LRP1B: variants seen among roughly 807,000 people sequenced by gnomAD.
The protein encoded by LRP1B is LDL receptor related protein 1B.
A neutral mutation model predicts 556.6 loss-of-function variants in LRP1B; 217 were observed. The ratio of observed to expected loss-of-function variants is 0.39; its 90% CI spans 0.35 to 0.44. The LOEUF (loss-of-function observed/expected upper bound fraction) is 0.44, where lower values mean the gene tolerates loss of function less well. Among genes scored for constraint, LRP1B ranks in the 20% least tolerant of loss-of-function variants. The probability of loss-of-function intolerance (pLI) is 1.00; values close to 1 mark genes in which losing one functional copy is unlikely to be tolerated. For synonymous variants in LRP1B, 2,047 were observed against 1,865.8 expected, an observed-to-expected ratio of 1.10 and a Z score of -2.50; for missense variants, 5,053 against 5,620.8, an observed-to-expected ratio of 0.90 and a Z score of 3.23.
At chr2:141,531,026 T>C (rs944241006) in intron 2 of LRP1B, among the ~76,000 whole-genome samples, 12 of 151,312 alleles carry the variant, frequency 7.9e-5, no homozygotes, top group Admixed American at 6.6e-4. Context: ...CATAATAAGA[T>C]TTATATTTTT....
intron 1 of LRP1B, among the ~76,000 whole-genome samples, chr2:141,856,544 C>G (rs183423844): frequency 2.6e-5 from 4 of 152,280 alleles, no homozygotes; most frequent in Admixed American, 2.0e-4. Flanking sequence ...AACACAAATT[C>G]TTTAGCCATT....
In LRP1B at chr2:140,274,505, G is replaced by C. The variant is rs372647222; in HGVS notation, c.13061C>G (p.Pro4354Arg). Residue 4354 changes from proline (P) to arginine (R), a missense_variant, in exon 85 of 91, where the codon CCA becomes CGA. Physicochemically the swap from Pro to Arg is moderately radical, Grantham distance 103. Coordinates refer to ENST00000389484, the MANE Select transcript of LRP1B (RefSeq NM_018557.3). ...TACACACTTGTCAACCTCACATTTT[G>C]GTCCTTCATAGCGCGTTGGACAGAC... ...ECVCPTRYEG[P>R]KCEVDKCVRC... is the part of the protein sequence containing the mutation. 4.8e-5 allele frequency: 77 copies of C among 1,612,390 alleles called. No individual in the cohort carries two copies. The highest frequency in any genetic ancestry group is 6.0e-5 in the Non-Finnish European group (71 of 1,178,996).
At chr2:141,602,242 A>G (rs1177220891) in intron 2 of LRP1B, among the ~76,000 whole-genome samples, 1 of 152,186 alleles carries the variant, frequency 6.6e-6, no homozygotes, top group Non-Finnish European at 1.5e-5. Context: ...AACATTTTGT[A>G]GGGTAAATCT....
intron 3 of LRP1B, among the ~76,000 whole-genome samples, chr2:141,435,165 A>G (rs1355024198): frequency 5.9e-5 from 9 of 152,056 alleles, no homozygotes; most frequent in Admixed American, 5.2e-4. Context: ...AGGAGAGTCA[A>G]CCCTGGGTCA....
At chr2:140,865,122 A>G (rs971247327) in intron 27 of LRP1B, among the ~76,000 whole-genome samples, 1 of 152,018 alleles carries the variant, frequency 6.6e-6, no homozygotes, top group Non-Finnish European at 1.5e-5. Flanking sequence ...ATCCCATATA[A>G]CAACAACATT....
chr2:141,162,973 A>G (rs1431807563), intron 7 of LRP1B, among the ~76,000 whole-genome samples: 2 of 152,088 alleles, frequency 1.3e-5, no homozygotes, highest in East Asian at 3.9e-4. Flanking sequence ...TTAATCTATC[A>G]AGGCACTTCT....
chr2:142,066,911 G>A (rs932118636), intron 1 of LRP1B, among the ~76,000 whole-genome samples: 16 of 151,376 alleles, frequency 1.1e-4, no homozygotes, highest in African/African-American at 3.9e-4. Flanking sequence ...TGGTACCATG[G>A]GTTTCACTTA....
rs78813543 is a variant in LRP1B at position 140,749,827 on chromosome 2, A to G, written c.5758+19386T>C. On this transcript the variant is annotated intron_variant, in intron 35 of 90. Coordinates refer to ENST00000389484, the MANE Select transcript of LRP1B (RefSeq NM_018557.3). ...TAACCCATCATTTGTTACTATTGTC[A>G]AGTATTATATACTGTACATAATTTT... Among the ~76,000 whole-genome samples the G allele has an allele frequency of 4.7e-3, 723 of 152,314 alleles. 6 individuals are homozygous for G. The highest frequency in any genetic ancestry group is 0.01 in the Middle Eastern group (3 of 294).
chr2:140,758,543 T>C (rs1688813762), intron 35 of LRP1B, among the ~76,000 whole-genome samples: 1 of 152,186 alleles, frequency 6.6e-6, no homozygotes, highest in East Asian at 1.9e-4. Flanking sequence ...AAAACTGGTA[T>C]TATTCTACCA....
chr2:141,798,799 T>C (rs1012951946), intron 2 of LRP1B, among the ~76,000 whole-genome samples: 2 of 151,946 alleles, frequency 1.3e-5, no homozygotes, highest in African/African-American at 4.8e-5. Flanking sequence ...AATTCATATG[T>C]GGAAGTCCTA....
intron 41 of LRP1B, among the ~76,000 whole-genome samples, chr2:140,653,071 T>A (rs35099867): frequency 0.073 from 11,145 of 151,976 alleles, 512 homozygotes; most frequent in East Asian, 0.18. Context: ...TTAATAAGCA[T>A]CATCAAGACA....
chr2:141,174,741 A>C (rs1714258), intron 7 of LRP1B, among the ~76,000 whole-genome samples: 7 of 152,084 alleles, frequency 4.6e-5, no homozygotes, highest in African/African-American at 1.7e-4. Context: ...ACAAAGATAT[A>C]TGAAAATGTG....
intron 1 of LRP1B, among the ~76,000 whole-genome samples, chr2:142,129,971 C>T (rs2105026737): frequency 6.6e-6 from 1 of 152,254 alleles, no homozygotes. Flanking sequence ...AAAAGCAAAG[C>T]GCCAGACTGG....
At chr2:140,349,300 A>G (rs556851453) in intron 77 of LRP1B, among the ~76,000 whole-genome samples, 2 of 152,254 alleles carry the variant, frequency 1.3e-5, no homozygotes, top group African/African-American at 4.8e-5. Flanking sequence ...TATGTTTATC[A>G]ATTGTAAAAT....
At chr2:140,575,090 G>T (rs925395239) in intron 43 of LRP1B, among the ~76,000 whole-genome samples, 2 of 152,094 alleles carry the variant, frequency 1.3e-5, no homozygotes, top group Non-Finnish European at 2.9e-5. Context: ...TCGCCCTGGG[G>T]ATGCTTTATA....
intron 43 of LRP1B, among the ~76,000 whole-genome samples, chr2:140,585,039 T>C (rs1681929764): frequency 6.6e-6 from 1 of 152,098 alleles, no homozygotes; most frequent in Admixed American, 6.5e-5. Flanking sequence ...GATACAAAGA[T>C]GAAAAACAAA....
At chr2:141,056,187 A>T (rs1525578) in intron 9 of LRP1B, among the ~76,000 whole-genome samples, 144,165 of 151,744 alleles carry the variant, frequency 0.95, 68,936 homozygotes, top group East Asian at 1. Flanking sequence ...ATTTTTACTA[A>T]TTTTTTCCTG....
intron 2 of LRP1B, among the ~76,000 whole-genome samples, chr2:141,681,924 A>C: frequency 6.6e-6 from 1 of 152,198 alleles, no homozygotes; most frequent in Non-Finnish European, 1.5e-5. Context: ...CACAAAGAGA[A>C]ATATCCTCAA....
intron 27 of LRP1B, among the ~76,000 whole-genome samples, chr2:140,861,928 A>G (rs1179565047): frequency 6.6e-6 from 1 of 152,098 alleles, no homozygotes; most frequent in Non-Finnish European, 1.5e-5. Flanking sequence ...TTGTCCTGAA[A>G]TCTGTTGGTG....
Sources: gnomAD v4.1 joint callset for allele counts (sites outside exome capture counted in the v4.1 genomes callset) on GRCh38, gnomAD v4.1.1 for gene constraint, MANE v1.5 for transcripts, NCBI Gene and HGNC (gene_info 2026-07-23, HGNC 2026-07-21) for gene names.